The following AUH variants were observed in gnomAD, a reference collection of about 807,000 sequenced individuals.
AUH encodes the protein methylglutaconyl-CoA hydratase, mitochondrial.
A neutral mutation model predicts 42.3 loss-of-function variants in AUH; 29 were observed. The observed-to-expected ratio is 0.69, with a 90% CI of 0.51 to 0.93. The LOEUF (loss-of-function observed/expected upper bound fraction) is 0.93, where lower values mean the gene tolerates loss of function less well. Among genes scored for constraint, AUH ranks in the 40% least tolerant of loss-of-function variants. The pLI, the probability that AUH is intolerant of heterozygous loss-of-function variation, is 0.00. For synonymous variants in AUH, 174 were observed against 166.4 expected (o/e 1.05, Z -0.35); for missense variants, 452 against 438.1 (o/e 1.03, Z -0.28).
chr9:91,291,640 G>A (rs1233859687), intron 6 of AUH, among the ~76,000 whole-genome samples: 3 of 152,006 alleles, frequency 2.0e-5, no homozygotes, highest in African/African-American at 7.2e-5. Flanking sequence ...AGAAAACATG[G>A]GGAGTCTTAC....
rs562899656 is a variant in AUH, at chr9:91,267,291, G to T, written c.655+28730C>A. Among the ~76,000 whole-genome samples, 6 of 152,198 alleles carry T rather than the reference G, an allele frequency of 3.9e-5. No homozygotes were observed. In the South Asian group the frequency reaches 1.0e-3, roughly 26 times the overall value. ...TCATCACCTTCATTTTACAGAGAAA[G>T]AAAAGATCAGAGACCCAAGTACCTT... On this transcript the variant is annotated intron_variant, in intron 6 of 9. Coordinates refer to ENST00000375731, the MANE Select transcript of AUH (RefSeq NM_001698.3).
intron 1 of AUH, among the ~76,000 whole-genome samples, chr9:91,359,836 C>T (rs1443183598): frequency 6.6e-6 from 1 of 152,060 alleles, no homozygotes; most frequent in East Asian, 1.9e-4. Context: ...CCTGTAGTAC[C>T]CTTGACCTCA....
intron 5 of AUH, among the ~76,000 whole-genome samples, chr9:91,296,838 C>T (rs748856315): frequency 7.9e-5 from 12 of 152,210 alleles, no homozygotes; most frequent in African/African-American, 1.7e-4. Context: ...ATCATGTTGA[C>T]GCTACATTGT....
intron 6 of AUH, among the ~76,000 whole-genome samples, chr9:91,278,636 T>C (rs1454220117): frequency 1.3e-5 from 2 of 152,210 alleles, no homozygotes; most frequent in Non-Finnish European, 2.9e-5. Context: ...GATTAAGTGG[T>C]TGGTCATTTC....
chr9:91,231,537 T>C (rs886950466), intron 6 of AUH, among the ~76,000 whole-genome samples: 3 of 152,206 alleles, frequency 2.0e-5, no homozygotes, highest in African/African-American at 7.2e-5. Context: ...GGCTGGGAGC[T>C]GTAGACCGGA....
chr9:91,225,765 ATT>A (rs1196028169), intron 6 of AUH, among the ~76,000 whole-genome samples: 1 of 143,318 alleles, frequency 7.0e-6, no homozygotes, highest in African/African-American at 2.6e-5. Context: ...ACGTGGTCTC[ATT>A]GTTCAATTCC....
At chr9:91,270,568 T>C (rs1382894447) in intron 6 of AUH, among the ~76,000 whole-genome samples, 2 of 152,168 alleles carry the variant, frequency 1.3e-5, no homozygotes, top group Non-Finnish European at 2.9e-5. Context: ...TCACACTGTT[T>C]TGGCTTCTGT....
At chr9:91,271,391 C>A (rs749400141) in intron 6 of AUH, among the ~76,000 whole-genome samples, 10 of 152,238 alleles carry the variant, frequency 6.6e-5, no homozygotes, top group Non-Finnish European at 1.0e-4. Flanking sequence ...TTATATTTCA[C>A]ACAGAGTAAT....
intron 6 of AUH, among the ~76,000 whole-genome samples, chr9:91,274,781 G>A (rs1316826068): frequency 1.3e-5 from 2 of 152,070 alleles, no homozygotes; most frequent in African/African-American, 4.8e-5. Context: ...GCATAGAAAA[G>A]GCCCCAGATC....
chr9:91,269,129 C>T (rs929814390), intron 6 of AUH, among the ~76,000 whole-genome samples: 4 of 152,054 alleles, frequency 2.6e-5, no homozygotes, highest in South Asian at 2.1e-4. Flanking sequence ...TACAGGCGTG[C>T]GCCACCATGC....
At chr9:91,291,336 C>T (rs968212995) in intron 6 of AUH, among the ~76,000 whole-genome samples, 1 of 152,168 alleles carries the variant, frequency 6.6e-6, no homozygotes, top group Non-Finnish European at 1.5e-5. Flanking sequence ...GGCGGCATGC[C>T]ATCCAACCCA....
intron 6 of AUH, among the ~76,000 whole-genome samples, chr9:91,249,292 CAAAAAAAAAAAAAAAAAAAA>C (rs59102669): frequency 3.1e-5 from 1 of 32,504 alleles, no homozygotes; most frequent in East Asian, 7.6e-4. Flanking sequence ...GAACCTGTCT[CAAAAAAAAAAAAAAAAAAAA>C]AAAAAAAAAA....
intron 6 of AUH, among the ~76,000 whole-genome samples, chr9:91,272,672 T>C (rs970470791): frequency 2.6e-5 from 4 of 152,226 alleles, no homozygotes; most frequent in African/African-American, 9.6e-5. Context: ...ACATAGTATA[T>C]ATTTTATGTA....
intron 6 of AUH, among the ~76,000 whole-genome samples, chr9:91,254,353 C>T (rs1209942223): frequency 3.3e-5 from 5 of 152,150 alleles, no homozygotes; most frequent in Non-Finnish European, 7.4e-5. Flanking sequence ...CAGCAGGGGC[C>T]TCAAATGGCT....
chr9:91,277,020 C>T (rs1432860903), intron 6 of AUH, among the ~76,000 whole-genome samples: 3 of 151,992 alleles, frequency 2.0e-5, no homozygotes, highest in East Asian at 3.9e-4. Context: ...CACTCATCTC[C>T]ACAAAAATTT....
intron 7 of AUH, among the ~76,000 whole-genome samples, chr9:91,220,312 C>T (rs1007457078): frequency 6.6e-6 from 1 of 152,238 alleles, no homozygotes; most frequent in Non-Finnish European, 1.5e-5. Context: ...CAAACAACTG[C>T]TGCTTTTCAA....
chr9:91,352,625 T>A (rs969258103), intron 3 of AUH, among the ~76,000 whole-genome samples: 14 of 152,152 alleles, frequency 9.2e-5, no homozygotes, highest in Non-Finnish European at 1.6e-4. Context: ...CAACCTCCAA[T>A]GCAATGTAGG....
chr9:91,272,533 C>A (rs1825226780), intron 6 of AUH, among the ~76,000 whole-genome samples: 1 of 152,118 alleles, frequency 6.6e-6, no homozygotes, highest in Non-Finnish European at 1.5e-5. Context: ...CCAGCACCCT[C>A]CCACCTCTGT....
intron 6 of AUH, among the ~76,000 whole-genome samples, chr9:91,267,744 G>C (rs1445472345): frequency 6.6e-6 from 1 of 152,168 alleles, no homozygotes; most frequent in East Asian, 1.9e-4. Context: ...CTTCTCTCAG[G>C]TACTGAGTAC....
Sources: allele counts gnomAD v4.1 joint callset (sites outside exome capture counted in the v4.1 genomes callset), GRCh38; gene constraint gnomAD v4.1.1; transcripts MANE v1.5; gene names NCBI Gene and HGNC (gene_info 2026-07-23, HGNC 2026-07-21).